Variants in HMGCLL1 observed in about 807,000 individuals in gnomAD.
The protein encoded by HMGCLL1 is 3-hydroxy-3-methylglutaryl-CoA lyase like 1, also known as 3-hydroxymethyl-3-methylglutaryl-CoA lyase, cytoplasmic.
A neutral mutation model predicts 39.1 loss-of-function variants in HMGCLL1; 36 were observed. That is an observed-to-expected ratio of 0.92 (90% CI 0.71 to 1.22). The LOEUF is 1.22. HMGCLL1 is among the 50% of genes most tolerant of loss of function. The pLI is 0.00. For synonymous variants in HMGCLL1, 149 were observed against 144.0 expected, an observed-to-expected ratio of 1.03 and a Z score of -0.25; for missense variants, 451 against 416.5, an observed-to-expected ratio of 1.08 and a Z score of -0.72.
the HMGCLL1 span, among the ~76,000 whole-genome samples, chr6:55,627,369 G>T: frequency 6.6e-6 from 1 of 151,984 alleles, no homozygotes; most frequent in African/African-American, 2.4e-5. Context: ...TTTGGGGATT[G>T]GTGCACTTCT....
chr6:55,547,808 TCTG>T (rs1165038443), intron 1 of HMGCLL1, among the ~76,000 whole-genome samples: 1 of 152,102 alleles, frequency 6.6e-6, no homozygotes, highest in East Asian at 1.9e-4. Context: ...CTCTCCACAT[TCTG>T]CTATTTATTG....
chr6:55,547,944 C>A (rs1316809365), intron 1 of HMGCLL1, among the ~76,000 whole-genome samples: 3 of 151,898 alleles, frequency 2.0e-5, no homozygotes, highest in African/African-American at 7.2e-5. Flanking sequence ...ATTTCTCTTC[C>A]TGGGTATCTC....
chr6:55,510,213 A>G (rs541336694), intron 5 of HMGCLL1, among the ~76,000 whole-genome samples: 1 of 152,150 alleles, frequency 6.6e-6, no homozygotes, highest in Admixed American at 6.6e-5. Context: ...CACGAATCAA[A>G]TGATTCTTGG....
At chr6:55,539,867 A>AAAGAGG (rs571624425) in intron 3 of HMGCLL1, among the ~76,000 whole-genome samples, 1 of 62,660 alleles carries the variant, frequency 1.6e-5, no homozygotes, top group African/African-American at 1.0e-4. Flanking sequence ...AGGAAGAAAG[A>AAAGAGG]AAGAAAGAAA....
At chr6:55,619,648 G>C in the HMGCLL1 span, among the ~76,000 whole-genome samples, 31 of 152,028 alleles carry the variant, frequency 2.0e-4, no homozygotes, top group African/African-American at 7.5e-4. Context: ...ATCACATCAG[G>C]GAAAATAGGG....
At position 55,503,224 on chromosome 6, in the gene HMGCLL1, C is replaced by T. The variant is rs150925026; in HGVS notation, c.543-3925G>A. The stretch of plus-strand genomic sequence containing the variant: ...TTTCTTAATTTGGGTTTCCACAATA[C>T]TCATGTGTCACAAATCCACAACCCA... On this transcript the variant is annotated intron_variant, in intron 5 of 8. Transcript: ENST00000274901. Among the ~76,000 whole-genome samples the T allele has an allele frequency of 4.0e-3, 605 of 151,966 alleles. 1 individual carries two copies. Among genetic ancestry groups the T allele is most frequent in the Non-Finnish European group, 6.0e-3 (406 of 67,862 alleles).
At chr6:55,610,904 T>A in the HMGCLL1 span, among the ~76,000 whole-genome samples, 1 of 152,096 alleles carries the variant, frequency 6.6e-6, no homozygotes, top group Non-Finnish European at 1.5e-5. Context: ...AAAAAGAATT[T>A]TTCAACCCAG....
the HMGCLL1 span, among the ~76,000 whole-genome samples, chr6:55,677,969 C>T: frequency 6.6e-6 from 1 of 152,138 alleles, no homozygotes; most frequent in Admixed American, 6.5e-5. Context: ...ATGTTGATTA[C>T]CTAACCCCAG....
In HMGCLL1 at chr6:55,578,828, G is replaced by C. The variant is rs1001149441; in HGVS notation, c.108+120C>G. 15 of 712,930 alleles carry C rather than the reference G, an allele frequency of 2.1e-5. No individual in the cohort carries two copies. The African/African-American group carries it at 2.4e-4, about 12-fold the overall frequency. The allele number at this position is 712,930 out of a possible 1,614,324, so 44.2% of individuals were successfully genotyped here. On this transcript the variant is annotated intron_variant, in intron 1 of 8. Transcript: ENST00000274901. The stretch of plus-strand genomic sequence containing the variant: ...GCCTAACACGACAGAACTGCTGCGG[G>C]AAGGGTCCTGGGGTGAGGAGGTGAC...
chr6:55,595,365 A>G, the HMGCLL1 span, among the ~76,000 whole-genome samples: 4 of 152,238 alleles, frequency 2.6e-5, no homozygotes, highest in African/African-American at 9.6e-5. Flanking sequence ...GTAAATAGTG[A>G]GGAGAGGACT....
rs1764979663 is a variant in HMGCLL1 at position 55,470,046 on chromosome 6, A to C, written c.795+25373T>G. Among the ~76,000 whole-genome samples, 3 of 151,870 alleles carry C rather than the reference A, an allele frequency of 2.0e-5. No homozygotes were observed. The South Asian group carries it at 6.2e-4, about 31-fold the overall frequency. ...ATGAAATTGGCAGAGTAGCCTTCTCATGACCCTGGGGTTGTTTTATCAGGG... is the reference window on the plus strand; with the variant it reads ...ATGAAATTGGCAGAGTAGCCTTCTCCTGACCCTGGGGTTGTTTTATCAGGG... On this transcript the variant is annotated intron_variant, in intron 7 of 8. Coordinates refer to ENST00000274901, the MANE Select transcript of HMGCLL1 (RefSeq NM_001042406.2).
the HMGCLL1 span, among the ~76,000 whole-genome samples, chr6:55,611,070 A>T: frequency 6.6e-6 from 1 of 152,190 alleles, no homozygotes; most frequent in Non-Finnish European, 1.5e-5. Flanking sequence ...CTCTCAGACC[A>T]CAGTGTGATC....
At chr6:55,678,246 A>G in the HMGCLL1 span, among the ~76,000 whole-genome samples, 4 of 152,346 alleles carry the variant, frequency 2.6e-5, no homozygotes, top group African/African-American at 9.6e-5. Context: ...ATTCAGGTCT[A>G]TCTTTGCCTT....
chr6:55,576,598 A>G (rs1177165299), intron 1 of HMGCLL1, among the ~76,000 whole-genome samples: 2 of 152,228 alleles, frequency 1.3e-5, no homozygotes, highest in Admixed American at 6.5e-5. Context: ...CTGGAAAGTA[A>G]GAAGACTACT....
the HMGCLL1 span, among the ~76,000 whole-genome samples, chr6:55,586,823 C>G: frequency 2.6e-5 from 4 of 152,030 alleles, no homozygotes; most frequent in Non-Finnish European, 2.9e-5. Context: ...GGTTCCAAGT[C>G]TTTGCTATTA....
Position 55,533,327 on chromosome 6 carries a change from C to T in HMGCLL1, c.297+8402G>A, listed in dbSNP as rs186516866. On this transcript the variant is annotated intron_variant, in intron 3 of 8. Coordinates refer to ENST00000274901, the MANE Select transcript of HMGCLL1 (RefSeq NM_001042406.2). ...ATTATTTTAGTATCCAAAATATGTA[C>T]TATTATATTATTTTCATTCAATAAG... Among the ~76,000 whole-genome samples, 415 of 151,556 alleles carry T rather than the reference C, an allele frequency of 2.7e-3. 4 individuals carry two copies. Among genetic ancestry groups the T allele is most frequent in the African/African-American group, 8.3e-3 (341 of 41,294 alleles).
chr6:55,656,333 T>C, the HMGCLL1 span, among the ~76,000 whole-genome samples: 1 of 152,006 alleles, frequency 6.6e-6, no homozygotes, highest in Non-Finnish European at 1.5e-5. Flanking sequence ...CTAAGAATTA[T>C]AGGAAACAAT....
chr6:55,601,956 A>G, the HMGCLL1 span, among the ~76,000 whole-genome samples: 1 of 152,014 alleles, frequency 6.6e-6, no homozygotes, highest in East Asian at 1.9e-4. Flanking sequence ...AATCCATTCA[A>G]TCCTAATGTG....
chr6:55,512,165 A>T (rs1767497903), intron 5 of HMGCLL1: 1 of 152,122 alleles, frequency 6.6e-6, no homozygotes, highest in South Asian at 2.1e-4. Context: ...TACTTCCTAC[A>T]ACTTATATTT....
Sources: gnomAD v4.1 joint callset for allele counts (sites outside exome capture counted in the v4.1 genomes callset) on GRCh38, gnomAD v4.1.1 for gene constraint, MANE v1.5 for transcripts, NCBI Gene and HGNC (gene_info 2026-07-23, HGNC 2026-07-21) for gene names.